PLCB1: variants seen among roughly 807,000 people sequenced by gnomAD.
The protein encoded by PLCB1 is 1-phosphatidylinositol 4,5-bisphosphate phosphodiesterase beta-1.
PLCB1 carries 46 observed loss-of-function variants against 161.8 expected under a neutral mutation model. The observed-to-expected ratio is 0.28, with a 90% confidence interval of 0.22 to 0.36. The LOEUF (loss-of-function observed/expected upper bound fraction) is 0.36. Ranked by LOEUF, PLCB1 falls within the 10% of genes least tolerant of loss-of-function variation. The pLI is 1.00. For missense variants in PLCB1, 1,016 were observed against 1,472.5 expected (o/e 0.69, Z 5.07); for synonymous variants, 517 against 503.7 (o/e 1.03, Z -0.35).
chr20:8,239,195 T>G (rs1223222570), intron 2 of PLCB1, among the ~76,000 whole-genome samples: 1 of 151,994 alleles, frequency 6.6e-6, no homozygotes, highest in African/African-American at 2.4e-5. Context: ...GACAGGGAAC[T>G]AACGCCTTCC....
intron 3 of PLCB1, among the ~76,000 whole-genome samples, chr20:8,392,292 C>G (rs1164986778): frequency 6.6e-6 from 1 of 152,072 alleles, no homozygotes; most frequent in Non-Finnish European, 1.5e-5. Context: ...CACCTTGAAA[C>G]AGAGAGCATC....
chr20:8,875,738 T>G (rs892642043), intron 31 of PLCB1, among the ~76,000 whole-genome samples: 3 of 151,932 alleles, frequency 2.0e-5, no homozygotes, highest in African/African-American at 7.2e-5. Context: ...TATTGTTCTC[T>G]GGTTTCAATT....
intron 31 of PLCB1, among the ~76,000 whole-genome samples, chr20:8,866,661 G>GCTGT (rs1216275170): frequency 1.3e-5 from 2 of 152,164 alleles, no homozygotes; most frequent in Non-Finnish European, 2.9e-5. Flanking sequence ...ACGGGTGTCT[G>GCTGT]CTGTCTGTAA....
intron 2 of PLCB1, among the ~76,000 whole-genome samples, chr20:8,302,598 A>C (rs1983959848): frequency 6.6e-6 from 1 of 152,248 alleles, no homozygotes; most frequent in South Asian, 2.1e-4. Flanking sequence ...GCATCTCTTC[A>C]TCATGTTTTC....
intron 2 of PLCB1, among the ~76,000 whole-genome samples, chr20:8,285,020 T>G (rs901826698): frequency 1.3e-5 from 2 of 152,040 alleles, no homozygotes; most frequent in Non-Finnish European, 2.9e-5. Flanking sequence ...TATGGTATTT[T>G]TATTTCTCAG....
intron 3 of PLCB1, among the ~76,000 whole-genome samples, chr20:8,493,631 A>G (rs993786058): frequency 6.7e-6 from 1 of 148,272 alleles, no homozygotes; most frequent in African/African-American, 2.5e-5. Context: ...TGTGTGCTTT[A>G]GCATCACTGG....
At chr20:8,408,228 C>T (rs896590058) in intron 3 of PLCB1, among the ~76,000 whole-genome samples, 2 of 152,082 alleles carry the variant, frequency 1.3e-5, no homozygotes, top group African/African-American at 4.8e-5. Flanking sequence ...TGCAACTTTT[C>T]TGTAAATCTA....
intron 2 of PLCB1, among the ~76,000 whole-genome samples, chr20:8,278,376 G>T (rs1308783595): frequency 1.6e-5 from 2 of 124,990 alleles, no homozygotes; most frequent in Admixed American, 8.6e-5. Context: ...ATTTGAATTA[G>T]CCTGTATGGA....
chr20:8,581,769 T>C (rs1224414986), intron 3 of PLCB1, among the ~76,000 whole-genome samples: 1 of 152,130 alleles, frequency 6.6e-6, no homozygotes, highest in Non-Finnish European at 1.5e-5. Context: ...CTGCAAAGAA[T>C]AGCTATTGAG....
At position 8,366,383 on chromosome 20, in the gene PLCB1, T is replaced by C. The variant is rs542860166; in HGVS notation, c.178-4999T>C. 3.9e-5 allele frequency among the ~76,000 whole-genome samples: 6 copies of C among 152,298 alleles called. No individual in the cohort carries two copies. The South Asian group carries it at 1.2e-3, about 32-fold the overall frequency. On this transcript the variant is annotated intron_variant, in intron 2 of 31. Coordinates refer to ENST00000338037, the MANE Select transcript of PLCB1 (RefSeq NM_015192.4). ...CAGAAATTGGGATTCTGGAAAGAGC[T>C]GAGTTTTAAATTGTATTTCTTCCTG...
intron 10 of PLCB1, among the ~76,000 whole-genome samples, chr20:8,693,754 T>C (rs1168064876): frequency 6.6e-6 from 1 of 152,214 alleles, no homozygotes; most frequent in Non-Finnish European, 1.5e-5. Context: ...ATTTTTGATC[T>C]TCTGGTTTTT....
At chr20:8,782,051 A>T (rs963361277) in intron 27 of PLCB1, among the ~76,000 whole-genome samples, 5 of 152,172 alleles carry the variant, frequency 3.3e-5, no homozygotes, top group African/African-American at 4.8e-5. Flanking sequence ...CAAGGAAAAA[A>T]AATTTCAAAG....
At chr20:8,469,265 A>G (rs1054992559) in intron 3 of PLCB1, among the ~76,000 whole-genome samples, 1 of 152,200 alleles carries the variant, frequency 6.6e-6, no homozygotes, top group Non-Finnish European at 1.5e-5. Flanking sequence ...TCATAGTAGA[A>G]GAGAACTTAA....
intron 3 of PLCB1, among the ~76,000 whole-genome samples, chr20:8,479,506 T>C (rs1222864794): frequency 6.6e-6 from 1 of 152,220 alleles, no homozygotes; most frequent in Non-Finnish European, 1.5e-5. Flanking sequence ...ATATCTTTGC[T>C]TCCACTAACA....
intron 26 of PLCB1, among the ~76,000 whole-genome samples, chr20:8,774,158 A>G (rs932091016): frequency 6.6e-6 from 1 of 152,224 alleles, no homozygotes; most frequent in Admixed American, 6.5e-5. Flanking sequence ...CATACGGGAA[A>G]GGTAACTGGG....
chr20:8,730,283 A>G (rs1291495602), intron 18 of PLCB1, among the ~76,000 whole-genome samples: 1 of 151,868 alleles, frequency 6.6e-6, no homozygotes, highest in Non-Finnish European at 1.5e-5. Flanking sequence ...CTTTTCAACC[A>G]TCAAAATTTA....
chr20:8,415,423 C>T (rs982554358), intron 3 of PLCB1, among the ~76,000 whole-genome samples: 22 of 152,094 alleles, frequency 1.4e-4, no homozygotes, highest in African/African-American at 5.3e-4. Flanking sequence ...TGCATTTGGC[C>T]CCTTTCCATA....
chr20:8,859,787 T>C (rs1442092795), intron 31 of PLCB1, among the ~76,000 whole-genome samples: 1 of 152,130 alleles, frequency 6.6e-6, no homozygotes, highest in Non-Finnish European at 1.5e-5. Context: ...AATAAATGTT[T>C]TCTAGAATGT....
chr20:8,333,696 C>G (rs928909053), intron 2 of PLCB1, among the ~76,000 whole-genome samples: 5 of 152,056 alleles, frequency 3.3e-5, no homozygotes, highest in Admixed American at 3.3e-4. Flanking sequence ...GATGAGAAAC[C>G]CTGTCTTAGG....
Sources: gnomAD v4.1 joint callset for allele counts (sites outside exome capture counted in the v4.1 genomes callset) on GRCh38, gnomAD v4.1.1 for gene constraint, MANE v1.5 for transcripts, NCBI Gene and HGNC (gene_info 2026-07-23, HGNC 2026-07-21) for gene names.